The following PSTK variants were observed in gnomAD, a reference collection of about 807,000 sequenced individuals.
The protein encoded by PSTK is phosphoseryl-tRNA kinase, also known as L-seryl-tRNA(Sec) kinase.
Under a neutral mutation model 38.6 loss-of-function variants are expected in PSTK, and 26 were observed. The ratio of observed to expected loss-of-function variants is 0.67; its 90% CI spans 0.49 to 0.94. The LOEUF (loss-of-function observed/expected upper bound fraction) is 0.94, where lower values mean the gene tolerates loss of function less well. Among genes scored for constraint, PSTK ranks in the 40% least tolerant of loss-of-function variants. The pLI is 0.00. For synonymous variants in PSTK, 181 were observed against 161.7 expected, an observed-to-expected ratio of 1.12 and a Z score of -0.91; for missense variants, 445 against 436.3, an observed-to-expected ratio of 1.02 and a Z score of -0.18.
chr10:122,987,617 T>C (rs945971864), intron 5 of PSTK: 8 of 1,423,682 alleles, frequency 5.6e-6, no homozygotes, highest in Middle Eastern at 2.6e-4. Context: ...ATGTGGTAAC[T>C]AGAGTTTTAC....
At position 122,989,395 on chromosome 10, in the gene PSTK, G is replaced by C. The variant is rs576802504; in HGVS notation, c.878-779G>C. On this transcript the variant is annotated intron_variant, in intron 5 of 5. Transcript: ENST00000406217. ...GCCTCCCGAGTAGCTGGGATTACAG[G>C]GATGTGCCACCATGCCCCGCTAATT... Among the ~76,000 whole-genome samples the C allele has an allele frequency of 3.9e-5, 6 of 152,162 alleles. 1 individual carries two copies. The highest frequency in any genetic ancestry group is 1.4e-4 in the African/African-American group (6 of 41,512).
At position 122,986,285 on chromosome 10, in the gene PSTK, C is replaced by T. The variant is rs775690071; in HGVS notation, c.708-15C>T. ...ATATAAGGATCTATTGTATTTTATCCCATTTTCTCTGTAGCCTGGAAGTGA... is the reference window on the plus strand; with the variant it reads ...ATATAAGGATCTATTGTATTTTATCTCATTTTCTCTGTAGCCTGGAAGTGA... On this transcript the variant is annotated splice_polypyrimidine_tract_variant and intron_variant, in intron 3 of 5. Coordinates refer to ENST00000406217, the MANE Select transcript of PSTK (RefSeq NM_001363531.2). 1.0e-5 allele frequency: 16 copies of T among 1,551,694 alleles called. No homozygotes were observed. The African/African-American group carries it at 1.7e-4, about 16-fold the overall frequency.
intron 5 of PSTK, chr10:122,987,358 T>G: frequency 6.2e-7 from 1 of 1,614,104 alleles, no homozygotes; most frequent in South Asian, 1.1e-5. Flanking sequence ...TTCTCAGAGA[T>G]GACATTTAAG....
At position 122,989,961 on chromosome 10, in the gene PSTK, C is replaced by T. The variant is rs558607522; in HGVS notation, c.878-213C>T. On this transcript the variant is annotated intron_variant, in intron 5 of 5. Coordinates refer to ENST00000406217, the MANE Select transcript of PSTK (RefSeq NM_001363531.2). ...TTCAGGTTAGTCTTTTCTGCTCACA[C>T]GTTTCCTAACAAGTTATTTAAATTC... is the stretch of plus-strand genomic sequence containing the variant. Among the ~76,000 whole-genome samples the T allele has an allele frequency of 6.6e-5, 10 of 152,208 alleles. No individual in the cohort carries two copies. In the South Asian group the frequency reaches 8.3e-4, roughly 13 times the overall value.
intron 5 of PSTK, 69 bp from the exon 6 acceptor site, chr10:122,990,102 TTCC>T (rs1466053079): frequency 4.0e-6 from 4 of 998,684 alleles, no homozygotes; most frequent in Non-Finnish European, 5.8e-6. Flanking sequence ...TCAAATTAAT[TTCC>T]TAATGTCATT....
intron 2 of PSTK, 103 bp from the exon 3 acceptor site, chr10:122,983,169 G>T: frequency 8.2e-7 from 1 of 1,224,502 alleles, no homozygotes; most frequent in Non-Finnish European, 1.1e-6. Flanking sequence ...ATTGCAAACG[G>T]AGTTTTTCCT....
Position 122,982,741 on chromosome 10 carries a change from A to G in PSTK, c.225A>G (p.Gln75=), listed in dbSNP as rs144827828. 99 of 1,613,944 alleles carry G rather than the reference A, an allele frequency of 6.1e-5. No homozygotes were observed. The highest frequency in any genetic ancestry group is 1.7e-4 in the African/African-American group (13 of 74,906). ...TCTTTGGTCTCTTGTAGCCATCCCAATGGAAATTGCTTCGACAGGAACTGT... is the reference window on the plus strand; with the variant it reads ...TCTTTGGTCTCTTGTAGCCATCCCAGTGGAAATTGCTTCGACAGGAACTGT... ...AGARARPAPS[Q]WKLLRQELLK... The change falls in exon 2 of 6, where the codon CAA becomes CAG. Residue 75 remains glutamine (Q), a synonymous_variant. Coordinates refer to ENST00000406217, the MANE Select transcript of PSTK (RefSeq NM_001363531.2).
rs1170333991 is a variant in PSTK at position 122,980,630 on chromosome 10, G to C, written c.151G>C (p.Gly51Arg). The C allele has an allele frequency of 1.2e-6, 2 of 1,611,650 alleles. No individual in the cohort carries two copies. The highest frequency in any genetic ancestry group is 1.7e-6 in the Non-Finnish European group (2 of 1,179,438). ...GCAGCAGGAGCAGGGTTGGGCCATC[G>C]GTGTTGTCGCGTATGATGACGTCAT... ...RLQQEQGWAI[G>R]VVAYDDVMPD... The change falls in exon 1 of 6, where the codon GGT becomes CGT. Residue 51 changes from glycine to arginine, a missense_variant. Physicochemically the swap from Gly to Arg is moderately radical, Grantham distance 125. Transcript: ENST00000406217. This position sits in a 1 kb window ranked among gnomAD's most constrained non-coding sequence, Gnocchi z 4.3.
chr10:122,982,255 A>G (rs1589706070), intron 1 of PSTK: 1 of 154,290 alleles, frequency 6.5e-6, no homozygotes, highest in East Asian at 1.9e-4. Context: ...TATCTTAGCC[A>G]GACTATTTTG....
In PSTK at chr10:122,982,448, G is replaced by A. The variant is rs535573212; in HGVS notation, c.217-285G>A. On this transcript the variant is annotated intron_variant, in intron 1 of 5. Transcript: ENST00000406217. ...CTTAAACTGTGTAAGCACTGCTAGA[G>A]TGGAGATATATGTATAGAATGGGGT... 9.7e-5 allele frequency: 39 copies of A among 400,866 alleles called. No individual in the cohort carries two copies. The South Asian group carries it at 1.0e-3, about 11-fold the overall frequency. 24.8% of individuals were successfully genotyped at this position (400,866 alleles called of 1,614,324 possible).
intron 5 of PSTK, among the ~76,000 whole-genome samples, chr10:122,988,108 TG>T (rs1296856260): frequency 3.3e-5 from 5 of 152,246 alleles, no homozygotes; most frequent in African/African-American, 1.2e-4. Flanking sequence ...ACATGTTTAA[TG>T]AACTCTGTGT....
intron 5 of PSTK, among the ~76,000 whole-genome samples, chr10:122,989,940 GGTTA>G (rs1849105713): frequency 6.6e-6 from 1 of 152,146 alleles, no homozygotes; most frequent in South Asian, 2.1e-4. Flanking sequence ...GTCCCTTTCA[GGTTA>G]GTCTTTTCTG....
chr10:122,987,536 G>C (rs1014566277), intron 5 of PSTK: 3 of 1,607,288 alleles, frequency 1.9e-6, no homozygotes, highest in South Asian at 2.2e-5. Context: ...TCAGGGGCCA[G>C]GTGTAAGATC....
At chr10:122,985,187 CTT>C (rs2133357898) in intron 3 of PSTK, 1 of 152,494 alleles carries the variant, frequency 6.6e-6, no homozygotes, top group South Asian at 2.1e-4. Context: ...TCTTTTCAGC[CTT>C]TCTCTTGCAC....
chr10:122,988,363 A>G (rs1849062883), intron 5 of PSTK, among the ~76,000 whole-genome samples: 1 of 152,092 alleles, frequency 6.6e-6, no homozygotes, highest in South Asian at 2.1e-4. Flanking sequence ...CCACCTATTT[A>G]AAAACATACA....
chr10:122,984,764 C>T (rs1206695404), intron 3 of PSTK: 1 of 152,228 alleles, frequency 6.6e-6, no homozygotes, highest in African/African-American at 2.4e-5. Context: ...TGAAAATTAG[C>T]TAGTGATCAC....
chr10:122,985,170 C>T (rs1481447855), intron 3 of PSTK: 1 of 152,364 alleles, frequency 6.6e-6, no homozygotes, highest in Non-Finnish European at 1.5e-5. Context: ...CCACTCTCCT[C>T]CTGGCTTCTT....
intron 5 of PSTK, among the ~76,000 whole-genome samples, chr10:122,988,018 C>T (rs577038296): frequency 6.6e-6 from 1 of 152,232 alleles, no homozygotes; most frequent in South Asian, 2.1e-4. Flanking sequence ...TATGATCTAC[C>T]AGTTGATTTT....
At chr10:122,987,041 TA>T in intron 5 of PSTK, 79 bp downstream of exon 5, 1 of 1,020,216 alleles carries the variant, frequency 9.8e-7, no homozygotes, top group African/African-American at 1.6e-5. Flanking sequence ...ACTCAGAGTT[TA>T]TTAGTTTTCA....
Sources: allele counts gnomAD v4.1 joint callset (sites outside exome capture counted in the v4.1 genomes callset), GRCh38; gene constraint gnomAD v4.1.1; non-coding constraint Gnocchi (gnomAD v3.1); transcripts MANE v1.5; gene names NCBI Gene and HGNC (gene_info 2026-07-23, HGNC 2026-07-21).